The following FHL2 variants were observed in gnomAD, a reference collection of about 807,000 sequenced individuals.
The protein encoded by FHL2 is four and a half LIM domains 2.
Under a neutral mutation model 32.7 loss-of-function variants are expected in FHL2, and 20 were observed. That is an observed-to-expected ratio of 0.61 (90% CI 0.43 to 0.89). The LOEUF (loss-of-function observed/expected upper bound fraction) is 0.89. FHL2 is among the 40% of genes least tolerant of loss of function. FHL2 has a pLI of 0.00. For synonymous variants in FHL2, 123 were observed against 128.1 expected, an observed-to-expected ratio of 0.96 and a Z score of 0.27; for missense variants, 311 against 358.6, an observed-to-expected ratio of 0.87 and a Z score of 1.07.
chr2:105,412,422 C>T (rs1343062641), intron 1 of FHL2, among the ~76,000 whole-genome samples: 1 of 152,174 alleles, frequency 6.6e-6, no homozygotes, highest in Admixed American at 6.5e-5. Flanking sequence ...AGGATGAATT[C>T]AATTTTGACT....
chr2:105,418,918 A>T lies in FHL2; in HGVS notation c.-25+19481T>A, dbSNP rs191495757. Among the ~76,000 whole-genome samples, 272 of 152,364 alleles carry T rather than the reference A, an allele frequency of 1.8e-3. 1 individual carries two copies. Among genetic ancestry groups the T allele is most frequent in the African/African-American group, 6.4e-3 (265 of 41,578 alleles). The stretch of plus-strand genomic sequence containing the variant: ...TTATAAGTTAAAATTTATCATATGT[A>T]TGTATACACAGGAAAAAACATAGTA... On this transcript the variant is annotated intron_variant, in intron 1 of 5. Coordinates refer to the FHL2 transcript ENST00000393352.
intron 1 of FHL2, among the ~76,000 whole-genome samples, chr2:105,406,955 G>T (rs1683650686): frequency 1.3e-5 from 2 of 152,126 alleles, no homozygotes; most frequent in South Asian, 2.1e-4. Flanking sequence ...CCTCATTTTT[G>T]ACCAGTCCAC....
At chr2:105,419,961 G>C (rs910884684) in intron 1 of FHL2, among the ~76,000 whole-genome samples, 6 of 152,278 alleles carry the variant, frequency 3.9e-5, no homozygotes, top group African/African-American at 9.6e-5. Flanking sequence ...AAAGTGTTCA[G>C]TTGAGGGTGG....
upstream of FHL2, among the ~76,000 whole-genome samples, chr2:105,402,088 T>C (rs1293239084): frequency 2.5e-5 from 3 of 121,672 alleles, no homozygotes; most frequent in African/African-American, 3.9e-5. Flanking sequence ...TATATGTGTA[T>C]ATATACGTGT....
upstream of FHL2, among the ~76,000 whole-genome samples, chr2:105,401,665 A>G (rs1683471486): frequency 6.6e-6 from 1 of 152,192 alleles, no homozygotes; most frequent in African/African-American, 2.4e-5. Context: ...TTAGTTAAAT[A>G]CAGTATGGTG....
intron 5 of FHL2, 141 bp downstream of exon 5, chr2:105,367,429 G>A: frequency 1.3e-6 from 1 of 787,668 alleles, no homozygotes; most frequent in South Asian, 1.9e-5. Flanking sequence ...TAAATGCTCA[G>A]AATGTAAGGC....
rs1028440042 is a variant in FHL2, at chr2:105,386,233, G to T, written c.156+128C>A. On this transcript the variant is annotated intron_variant, in intron 3 of 6. Transcript: ENST00000530340. Reference sequence around the variant, plus strand: ...AAGCTTCCGAAAGGCTACACGCAGGGTCCACGCCCCTCAGAGGGGGCTCAA... The same window carrying T: ...AAGCTTCCGAAAGGCTACACGCAGGTTCCACGCCCCTCAGAGGGGGCTCAA... 2.8e-5 allele frequency: 29 copies of T among 1,042,626 alleles called. No individual in the cohort carries two copies. The African/African-American group carries it at 4.2e-4, about 15-fold the overall frequency. The allele number at this position is 1,042,626 out of a possible 1,614,324, so 64.6% of individuals were successfully genotyped here. A position where few individuals can be genotyped will look rare whatever the true frequency, so the allele number is the denominator to read the frequency against.
At chr2:105,420,891 T>G (rs1684083081) in intron 1 of FHL2, among the ~76,000 whole-genome samples, 1 of 152,184 alleles carries the variant, frequency 6.6e-6, no homozygotes, top group Non-Finnish European at 1.5e-5. Context: ...GCTGCTCACC[T>G]CCTGCTGTGT....
At chr2:105,402,265 G>T (rs1683499382), upstream of FHL2, among the ~76,000 whole-genome samples, 1 of 151,262 alleles carries the variant, frequency 6.6e-6, no homozygotes, top group Non-Finnish European at 1.5e-5. Context: ...ATATGTATTT[G>T]AGATGGAGTC....
At chr2:105,384,799 GC>G (rs1220210706) in intron 3 of FHL2, among the ~76,000 whole-genome samples, 3 of 152,134 alleles carry the variant, frequency 2.0e-5, no homozygotes, top group Admixed American at 2.0e-4. Context: ...TTGAGCCTAT[GC>G]CCCTGGCCTG....
At chr2:105,383,075 G>A (rs531876301) in intron 3 of FHL2, among the ~76,000 whole-genome samples, 57 of 152,206 alleles carry the variant, frequency 3.7e-4, no homozygotes, top group Non-Finnish European at 6.6e-4. Context: ...TAGTAGAGAC[G>A]GGGTTTCGCC....
At chr2:105,410,135 G>A (rs1683750080) in intron 1 of FHL2, among the ~76,000 whole-genome samples, 2 of 152,230 alleles carry the variant, frequency 1.3e-5, no homozygotes, top group Admixed American at 1.3e-4. Flanking sequence ...TGCTAACCTA[G>A]GTCCAACCCA....
chr2:105,437,206 C>T (rs909590358), intron 1 of FHL2, among the ~76,000 whole-genome samples: 2 of 152,128 alleles, frequency 1.3e-5, no homozygotes, highest in Non-Finnish European at 2.9e-5. Context: ...GAAAATGCCT[C>T]CAAAGTGTAA....
intron 1 of FHL2, among the ~76,000 whole-genome samples, chr2:105,422,240 C>T (rs1244079991): frequency 6.6e-6 from 1 of 152,152 alleles, no homozygotes; most frequent in Non-Finnish European, 1.5e-5. Context: ...TTTCAAGATG[C>T]TGGTGTTATT....
chr2:105,369,927 C>T (rs918468854), intron 4 of FHL2, among the ~76,000 whole-genome samples: 2 of 152,188 alleles, frequency 1.3e-5, no homozygotes, highest in African/African-American at 4.8e-5. Context: ...TCAGGCATGG[C>T]GACAGCAGTG....
chr2:105,411,288 T>C (rs997198964), intron 1 of FHL2, among the ~76,000 whole-genome samples: 1 of 152,220 alleles, frequency 6.6e-6, no homozygotes, highest in Non-Finnish European at 1.5e-5. Flanking sequence ...GAGTTTGTTT[T>C]AAAAAGTAAC....
chr2:105,434,525 G>A (rs1280759771), intron 1 of FHL2, among the ~76,000 whole-genome samples: 1 of 151,802 alleles, frequency 6.6e-6, no homozygotes, highest in Non-Finnish European at 1.5e-5. Context: ...CTGAGATCTT[G>A]CCACTGCACT....
chr2:105,413,182 C>A (rs1015767507), intron 1 of FHL2, among the ~76,000 whole-genome samples: 1 of 152,106 alleles, frequency 6.6e-6, no homozygotes, highest in Non-Finnish European at 1.5e-5. Flanking sequence ...ATCTTCATAG[C>A]GTCTCCTTCT....
intron 1 of FHL2, among the ~76,000 whole-genome samples, chr2:105,408,191 C>T (rs937246066): frequency 6.6e-6 from 1 of 152,188 alleles, no homozygotes; most frequent in African/African-American, 2.4e-5. Context: ...GCAGAGATGG[C>T]CCACATATGA....
Sources: allele counts gnomAD v4.1 joint callset (sites outside exome capture counted in the v4.1 genomes callset), GRCh38; gene constraint gnomAD v4.1.1; transcripts MANE v1.5; gene names NCBI Gene and HGNC (gene_info 2026-07-23, HGNC 2026-07-21).